Variants in ESR1 observed in about 807,000 individuals in gnomAD.
ESR1 encodes estrogen receptor 1.
A neutral mutation model predicts 52.7 loss-of-function variants in ESR1; 12 were observed. The observed-to-expected ratio is 0.23, with a 90% CI of 0.15 to 0.37. ESR1 has a LOEUF of 0.37. ESR1 is among the 10% of genes least tolerant of loss of function. The pLI, the probability that ESR1 is intolerant of heterozygous loss-of-function variation, is 1.00. For missense variants in ESR1, 584 were observed against 779.7 expected (o/e 0.75, Z 2.99); for synonymous variants, 305 against 316.8 (o/e 0.96, Z 0.39).
At chr6:152,081,508 C>A (rs566427802) in intron 6 of ESR1, among the ~76,000 whole-genome samples, 1 of 151,500 alleles carries the variant, frequency 6.6e-6, no homozygotes, top group South Asian at 2.1e-4. Flanking sequence ...CACTAAATGC[C>A]CACGAGAGAA....
At position 152,098,829 on chromosome 6, in the gene ESR1, G is replaced by A. The variant is rs2152506743; in HGVS notation, c.1651G>A (p.Ala551Thr). 1 of 1,614,190 alleles carries A rather than the reference G, an allele frequency of 6.2e-7. No individual in the cohort carries two copies. Residue 551 changes from alanine to threonine, a missense_variant, in exon 8 of 8, where the codon GCG becomes ACG. Physicochemically the swap from Ala to Thr is moderately conservative, Grantham distance 58. Transcript: ENST00000206249. This position sits in a 1 kb window ranked among gnomAD's most constrained non-coding sequence, Gnocchi z 5.1. ...LEMLDAHRLH[A>T]PTSRGGASVE... The stretch of plus-strand genomic sequence containing the variant: ...GATGCTGGACGCCCACCGCCTACAT[G>A]CGCCCACTAGCCGTGGAGGGGCATC...
intron 4 of ESR1, among the ~76,000 whole-genome samples, chr6:151,968,108 A>G (rs1454550176): frequency 6.6e-6 from 1 of 152,182 alleles, no homozygotes; most frequent in African/African-American, 2.4e-5. Flanking sequence ...GGCCTCAGAA[A>G]TAACACCACA....
At chr6:151,667,357 A>G (rs558300481) in intron 1 of ESR1, among the ~76,000 whole-genome samples, 1 of 152,320 alleles carries the variant, frequency 6.6e-6, no homozygotes, top group African/African-American at 2.4e-5. Context: ...CCTCGAACCT[A>G]GCACAGTGAA....
At chr6:152,013,171 CT>C (rs1301718891) in intron 5 of ESR1, among the ~76,000 whole-genome samples, 1 of 152,068 alleles carries the variant, frequency 6.6e-6, no homozygotes, top group African/African-American at 2.4e-5. Flanking sequence ...GTGTTCTTTC[CT>C]TTCCATTCCT....
chr6:151,831,358 T>C (rs1782382217), intron 1 of ESR1, among the ~76,000 whole-genome samples: 1 of 152,152 alleles, frequency 6.6e-6, no homozygotes, highest in South Asian at 2.1e-4. Flanking sequence ...CAGGCTGGTC[T>C]CTAACTCTTG....
chr6:151,808,386 G>T, intron 1 of ESR1, 22 bp downstream of exon 1: 1 of 1,443,814 alleles, frequency 6.9e-7, no homozygotes, highest in Non-Finnish European at 9.1e-7. Context: ...CGCGCCGCCC[G>T]TCGGGGTGGC....
chr6:151,846,430 T>G (rs186997247), intron 2 of ESR1, among the ~76,000 whole-genome samples: 1 of 152,306 alleles, frequency 6.6e-6, no homozygotes, highest in Non-Finnish European at 1.5e-5. Flanking sequence ...AACTAAAAAG[T>G]TTTTGCTGAA....
rs565395889 is a variant in ESR1, at chr6:151,739,861, C to T, written c.-71+37856C>T. On this transcript the variant is annotated intron_variant, in intron 2 of 2. Transcript: ENST00000404742. ...TTAGCATTCTGGCCGCAGTCTTCTA[C>T]TACATGGTCCTTATTTGTCATCTCT... Among the ~76,000 whole-genome samples, 38 of 152,306 alleles carry T rather than the reference C, an allele frequency of 2.5e-4. 2 individuals are homozygous for T. The South Asian group carries it at 7.3e-3, about 29-fold the overall frequency.
At chr6:151,671,219 T>C (rs1627339) in intron 1 of ESR1, among the ~76,000 whole-genome samples, 85,997 of 151,482 alleles carry the variant, frequency 0.57, 24,667 homozygotes, top group African/African-American at 0.67. Context: ...TGTCAAAGGT[T>C]TCTCTGCACC....
chr6:152,083,898 T>A (rs2049456529), intron 6 of ESR1, among the ~76,000 whole-genome samples: 2 of 152,178 alleles, frequency 1.3e-5, no homozygotes, highest in African/African-American at 2.4e-5. Context: ...GAAATACCAT[T>A]TGACCCAGTG....
chr6:151,921,558 G>A (rs900194516), intron 3 of ESR1, among the ~76,000 whole-genome samples: 12 of 152,022 alleles, frequency 7.9e-5, no homozygotes, highest in African/African-American at 2.2e-4. Flanking sequence ...CCGACCAACA[G>A]TGTAAAAGTG....
chr6:151,861,860 C>G (rs1174906295), intron 2 of ESR1, among the ~76,000 whole-genome samples: 5 of 151,914 alleles, frequency 3.3e-5, no homozygotes, highest in Admixed American at 3.3e-4. Context: ...TGCGTAGGAC[C>G]AAGTGTTTTG....
At chr6:151,796,511 CAA>C (rs1776730977) in intron 2 of ESR1, among the ~76,000 whole-genome samples, 1 of 152,092 alleles carries the variant, frequency 6.6e-6, no homozygotes, top group African/African-American at 2.4e-5. Flanking sequence ...CATTATATAT[CAA>C]GAGTAAATAA....
intron 5 of ESR1, among the ~76,000 whole-genome samples, chr6:152,032,091 C>G (rs4448106): frequency 6.6e-6 from 1 of 151,716 alleles, no homozygotes; most frequent in Non-Finnish European, 1.5e-5. Context: ...AATTCAACAA[C>G]CCTTCATGCT....
chr6:151,750,374 G>A (rs778936650), intron 2 of ESR1, among the ~76,000 whole-genome samples: 1 of 152,162 alleles, frequency 6.6e-6, no homozygotes, highest in Non-Finnish European at 1.5e-5. Flanking sequence ...ATGGACAGTT[G>A]GTGACTGGTA....
intron 2 of ESR1, among the ~76,000 whole-genome samples, chr6:151,764,052 CG>C (rs1784856612): frequency 6.6e-6 from 1 of 152,012 alleles, no homozygotes. Flanking sequence ...GAGCAAAGCG[CG>C]GGGGTGTGGC....
intron 1 of ESR1, among the ~76,000 whole-genome samples, chr6:151,700,445 A>C (rs1662907895): frequency 6.6e-6 from 1 of 152,194 alleles, no homozygotes; most frequent in Non-Finnish European, 1.5e-5. Context: ...CAAGTCCCCT[A>C]GAATAGAATT....
At chr6:151,875,029 A>G (rs1257987504) in intron 2 of ESR1, among the ~76,000 whole-genome samples, 1 of 152,246 alleles carries the variant, frequency 6.6e-6, no homozygotes, top group Non-Finnish European at 1.5e-5. Context: ...ATATAAAACA[A>G]GCTTTGGAAT....
intron 2 of ESR1, among the ~76,000 whole-genome samples, chr6:151,793,885 G>T (rs1776443223): frequency 1.3e-5 from 2 of 152,216 alleles, no homozygotes; most frequent in South Asian, 4.1e-4. Flanking sequence ...TCCCCAGAGA[G>T]AAATTAAACC....
Sources: gnomAD v4.1 joint callset for allele counts (sites outside exome capture counted in the v4.1 genomes callset) on GRCh38, gnomAD v4.1.1 for gene constraint, Gnocchi (gnomAD v3.1) non-coding constraint, MANE v1.5 for transcripts, NCBI Gene and HGNC (gene_info 2026-07-23, HGNC 2026-07-21) for gene names.